The following PITPNB variants were observed in gnomAD, a reference collection of about 807,000 sequenced individuals.
PITPNB encodes the protein phosphatidylinositol transfer protein beta isoform.
Under a neutral mutation model 45.9 loss-of-function variants are expected in PITPNB, and 16 were observed. That is an observed-to-expected ratio of 0.35 (90% confidence interval 0.24 to 0.53). The LOEUF is 0.53. Ranked by LOEUF, PITPNB falls within the 20% of genes least tolerant of loss-of-function variation. PITPNB has a pLI of 0.93. For synonymous variants in PITPNB, 112 were observed against 108.9 expected (o/e 1.03, Z -0.18); for missense variants, 188 against 330.5 (o/e 0.57, Z 3.34).
chr22:27,887,405 T>G (rs1488340124), intron 7 of PITPNB, among the ~76,000 whole-genome samples: 3 of 152,200 alleles, frequency 2.0e-5, no homozygotes, highest in African/African-American at 7.2e-5. Flanking sequence ...CCAGCTGAGC[T>G]GCAGGGTAAG....
chr22:27,855,851 T>C (rs1601371677), intron 10 of PITPNB, among the ~76,000 whole-genome samples: 1 of 152,200 alleles, frequency 6.6e-6, no homozygotes, highest in African/African-American at 2.4e-5. Flanking sequence ...TTAAAATCTA[T>C]CATCAGGTGT....
chr22:27,895,747 A>G (rs1935413588), intron 6 of PITPNB, among the ~76,000 whole-genome samples: 1 of 152,198 alleles, frequency 6.6e-6, no homozygotes, highest in Non-Finnish European at 1.5e-5. Context: ...ATTTGCCACA[A>G]TCATTAACCT....
At chr22:27,890,437 G>A (rs1935241627) in intron 7 of PITPNB, among the ~76,000 whole-genome samples, 1 of 151,284 alleles carries the variant, frequency 6.6e-6, no homozygotes, top group Non-Finnish European at 1.5e-5. Context: ...CACATTAGAC[G>A]AAAAGCTCCT....
At chr22:27,857,553 G>A (rs1308039947) in intron 10 of PITPNB, among the ~76,000 whole-genome samples, 2 of 152,126 alleles carry the variant, frequency 1.3e-5, no homozygotes, top group African/African-American at 2.4e-5. Flanking sequence ...TCTGTCAAAC[G>A]CTCACACCTG....
chr22:27,916,960 T>C (rs543876221), intron 1 of PITPNB, among the ~76,000 whole-genome samples: 2 of 152,216 alleles, frequency 1.3e-5, no homozygotes, highest in Non-Finnish European at 2.9e-5. Flanking sequence ...CAATTTTTCA[T>C]TGAACAACAC....
chr22:27,860,355 T>C, intron 8 of PITPNB, 114 bp from the exon 9 acceptor site: 2 of 630,790 alleles, frequency 3.2e-6, no homozygotes, highest in Non-Finnish European at 5.4e-6. Flanking sequence ...TACAATCTCA[T>C]GTGTTTAATT....
chr22:27,883,602 C>T (rs1331720341), intron 7 of PITPNB, among the ~76,000 whole-genome samples: 3 of 152,244 alleles, frequency 2.0e-5, no homozygotes, highest in Non-Finnish European at 4.4e-5. Context: ...TAATAAGCTG[C>T]CTGCGGGCAG....
rs1224631393 is a variant in PITPNB at position 27,852,891 on chromosome 22, AT to A, written c.*810del. The A allele has an allele frequency of 6.6e-6, 1 of 152,652 alleles. No homozygotes were observed. The highest frequency in any genetic ancestry group is 1.5e-5 in the Non-Finnish European group (1 of 68,040). 9.5% of individuals were successfully genotyped at this position (152,652 alleles called of 1,614,324 possible). On this transcript the variant is annotated 3_prime_UTR_variant, in exon 12 of 12. Coordinates refer to ENST00000335272, the MANE Select transcript of PITPNB (RefSeq NM_012399.5). ...TTATAAATCAGAAACCGTCATCTCCATTTTTGCTAGGTTTGATGTAGAAAAA... is the reference window on the plus strand; with the variant it reads ...TTATAAATCAGAAACCGTCATCTCCATTTTGCTAGGTTTGATGTAGAAAAA...
chr22:27,880,056 G>A (rs956412188), intron 7 of PITPNB, among the ~76,000 whole-genome samples: 3 of 151,994 alleles, frequency 2.0e-5, no homozygotes, highest in African/African-American at 7.3e-5. Flanking sequence ...TATGTGTCAG[G>A]CCCCCACATT....
At chr22:27,909,247 T>C (rs1460782041) in intron 3 of PITPNB, among the ~76,000 whole-genome samples, 1 of 151,016 alleles carries the variant, frequency 6.6e-6, no homozygotes, top group Non-Finnish European at 1.5e-5. Flanking sequence ...TTCTTCTTTT[T>C]GTGGAGATGA....
At chr22:27,906,879 C>T (rs1935777530) in intron 3 of PITPNB, among the ~76,000 whole-genome samples, 2 of 152,158 alleles carry the variant, frequency 1.3e-5, no homozygotes, top group South Asian at 2.1e-4. Context: ...TGTCAATATT[C>T]ACAAAGACTG....
chr22:27,859,763 T>C (rs1398247001), intron 9 of PITPNB, among the ~76,000 whole-genome samples: 2 of 152,130 alleles, frequency 1.3e-5, no homozygotes, highest in Non-Finnish European at 2.9e-5. Context: ...CCAGCTGAGA[T>C]GGGGCAGGGG....
At chr22:27,865,878 T>C (rs1369116734) in intron 8 of PITPNB, among the ~76,000 whole-genome samples, 1 of 152,206 alleles carries the variant, frequency 6.6e-6, no homozygotes, top group Non-Finnish European at 1.5e-5. Context: ...AAATGTTTTC[T>C]GATTCTTTCT....
chr22:27,898,425 G>GT, intron 3 of PITPNB, among the ~76,000 whole-genome samples: 1 of 149,968 alleles, frequency 6.7e-6, no homozygotes, highest in Admixed American at 6.6e-5. Context: ...GTGTGTGTGT[G>GT]GTTTTTTTTT....
chr22:27,858,598 G>A, intron 9 of PITPNB, 89 bp from the exon 10 acceptor site: 1 of 973,870 alleles, frequency 1.0e-6, no homozygotes, highest in Non-Finnish European at 1.5e-6. Context: ...ATTAACCCAT[G>A]AAATTTACAC....
chr22:27,866,499 C>T (rs1047704074), intron 8 of PITPNB, among the ~76,000 whole-genome samples: 5 of 152,098 alleles, frequency 3.3e-5, no homozygotes, highest in African/African-American at 7.2e-5. Flanking sequence ...ACTAGTTTCT[C>T]GAATCTGTGA....
intron 3 of PITPNB, among the ~76,000 whole-genome samples, chr22:27,907,927 G>A (rs571595789): frequency 5.9e-5 from 9 of 151,910 alleles, no homozygotes; most frequent in African/African-American, 1.9e-4. Flanking sequence ...AGGGTACTCC[G>A]CTCCTCCTAG....
intron 7 of PITPNB, among the ~76,000 whole-genome samples, chr22:27,885,644 GA>G (rs1423879859): frequency 2.0e-5 from 3 of 152,102 alleles, no homozygotes; most frequent in African/African-American, 7.2e-5. Context: ...CAAAATGCTG[GA>G]ATTGCAGGCA....
At position 27,865,036 on chromosome 22, in the gene PITPNB, A is replaced by T. The variant is rs143311647; in HGVS notation, c.535-4795T>A. Reference sequence around the variant, plus strand: ...AATTAATATAAATAGGTATCTATGTATGGTACAAACATTCCTAACAAAATA... The same window carrying T: ...AATTAATATAAATAGGTATCTATGTTTGGTACAAACATTCCTAACAAAATA... On this transcript the variant is annotated intron_variant, in intron 8 of 11. Coordinates refer to ENST00000335272, the MANE Select transcript of PITPNB (RefSeq NM_012399.5). Among the ~76,000 whole-genome samples, 122 of 152,344 alleles carry T rather than the reference A, an allele frequency of 8.0e-4. 1 individual carries two copies. The highest frequency in any genetic ancestry group is 2.6e-3 in the African/African-American group (110 of 41,588).
Sources: allele counts gnomAD v4.1 joint callset (sites outside exome capture counted in the v4.1 genomes callset), GRCh38; gene constraint gnomAD v4.1.1; transcripts MANE v1.5; gene names NCBI Gene and HGNC (gene_info 2026-07-23, HGNC 2026-07-21).